Variants in CPNE2 observed in about 807,000 individuals in gnomAD.
The protein encoded by CPNE2 is copine-2.
Under a neutral mutation model 69.7 loss-of-function variants are expected in CPNE2, and 42 were observed. That is an observed-to-expected ratio of 0.60 (90% confidence interval 0.47 to 0.78). CPNE2 has a LOEUF of 0.78. Ranked by LOEUF, CPNE2 falls within the 30% of genes least tolerant of loss-of-function variation. CPNE2 has a pLI of 0.00. For missense variants in CPNE2, 587 were observed against 732.0 expected (o/e 0.80, Z 2.29); for synonymous variants, 294 against 289.8 (o/e 1.01, Z -0.15).
In CPNE2 at chr16:57,113,418, G is replaced by A. The variant is rs138741133; in HGVS notation, c.311G>A (p.Arg104Gln). 1.5e-5 allele frequency: 24 copies of A among 1,614,002 alleles called. No homozygotes were observed. Among genetic ancestry groups the A allele is most frequent in the Middle Eastern group, 1.6e-4 (1 of 6,084 alleles). Residue 104 changes from arginine (R) to glutamine (Q), a missense_variant, in exon 3 of 16, where the codon CGG becomes CAG. Arg to Gln is a conservative substitution (Grantham distance 43, BLOSUM62 1). Coordinates refer to ENST00000290776, the MANE Select transcript of CPNE2 (RefSeq NM_152727.6). ...ALFDQDKSSMRLDEHDFLGQF... is the reference protein window; with the variant it reads ...ALFDQDKSSMQLDEHDFLGQF... The stretch of plus-strand genomic sequence containing the variant: ...TTTGACCAGGACAAGTCCAGTATGC[G>A]GCTGGACGAGCATGACTTCCTGGGC...
chr16:57,133,751 GC>G (rs1261823178), intron 12 of CPNE2, among the ~76,000 whole-genome samples: 1 of 152,178 alleles, frequency 6.6e-6, no homozygotes, highest in Admixed American at 6.5e-5. Flanking sequence ...TCCCAGCTCT[GC>G]CCGCCAGGAA....
chr16:57,118,539 A>G lies in CPNE2; in HGVS notation c.508-656A>G, dbSNP rs113063439. Among the ~76,000 whole-genome samples, 14 of 152,076 alleles carry G rather than the reference A, an allele frequency of 9.2e-5. No individual in the cohort carries two copies. In the South Asian group the frequency reaches 1.2e-3, roughly 14 times the overall value. ...TAACCTCTTTAAAGTAACAGTTGCC[A>G]GGTGCAGCGGCTCACACCTGTAATC... On this transcript the variant is annotated intron_variant, in intron 5 of 15. Transcript: ENST00000290776.
At chr16:57,104,108 G>A (rs974244041) in intron 1 of CPNE2, among the ~76,000 whole-genome samples, 1 of 152,056 alleles carries the variant, frequency 6.6e-6, no homozygotes, top group Non-Finnish European at 1.5e-5. Context: ...GTAGAGATGG[G>A]GTTCCACCAT....
intron 10 of CPNE2, chr16:57,124,169 C>A (rs1015725745): frequency 3.4e-6 from 1 of 295,312 alleles, no homozygotes; most frequent in Non-Finnish European, 6.8e-6. Flanking sequence ...GCAGCCTCCA[C>A]CTTCAGCTCT....
Position 57,121,689 on chromosome 16 carries a change from A to T in CPNE2, c.796A>T (p.Ile266Phe), listed in dbSNP as rs745925170. 5.6e-6 allele frequency: 9 copies of T among 1,614,162 alleles called. No homozygotes were observed. Among genetic ancestry groups the T allele is most frequent in the Non-Finnish European group, 7.6e-6 (9 of 1,180,016 alleles). The change falls in exon 9 of 16, where the codon ATC becomes TTC. Residue 266 changes from isoleucine (I) to phenylalanine (F), a missense_variant. By Grantham distance (21) the Ile-to-Phe change is conservative (BLOSUM62 0). This residue lies in a region of CPNE2 where 269 missense variants were observed against 300.5 expected (regional missense o/e 0.90). Transcript: ENST00000290776. Reference protein sequence around the residue: ...RDSVPLEFECINPKKQRKKKN... With the variant: ...RDSVPLEFECFNPKKQRKKKN... The stretch of plus-strand genomic sequence containing the variant: ...CGTTGCCCAGCTGGAGTTCGAGTGC[A>T]TCAACCCCAAGAAGCAGAGGAAGAA...
chr16:57,133,366 C>G (rs1258753533), intron 12 of CPNE2, among the ~76,000 whole-genome samples: 5 of 152,148 alleles, frequency 3.3e-5, no homozygotes, highest in Non-Finnish European at 7.4e-5. Context: ...GCCAGGGAGG[C>G]CAGACTGAAC....
At chr16:57,097,747 A>G (rs1195871862) in intron 1 of CPNE2, among the ~76,000 whole-genome samples, 2 of 152,002 alleles carry the variant, frequency 1.3e-5, no homozygotes, top group African/African-American at 2.4e-5. Context: ...TTTCAGTCCT[A>G]GGCAAATCCA....
At chr16:57,133,552 T>A (rs910824981) in intron 12 of CPNE2, among the ~76,000 whole-genome samples, 27 of 152,224 alleles carry the variant, frequency 1.8e-4, no homozygotes, top group African/African-American at 6.5e-4. Flanking sequence ...CAGGAGAGCC[T>A]CCCAGTACCC....
intron 6 of CPNE2, 22 bp downstream of exon 6, chr16:57,119,300 G>A (rs1567668715): frequency 1.2e-6 from 2 of 1,611,704 alleles, no homozygotes; most frequent in Admixed American, 3.3e-5. Context: ...GGGGCCCAGG[G>A]ATCTCTAAGC....
At chr16:57,133,743 C>T (rs2069855845) in intron 12 of CPNE2, among the ~76,000 whole-genome samples, 1 of 152,166 alleles carries the variant, frequency 6.6e-6, no homozygotes, top group African/African-American at 2.4e-5. Context: ...AGTTCGAGTC[C>T]CAGCTCTGCC....
chr16:57,101,009 G>A (rs73548842), intron 1 of CPNE2, among the ~76,000 whole-genome samples: 10,523 of 152,294 alleles, frequency 0.069, 631 homozygotes, highest in African/African-American at 0.14. Flanking sequence ...TTTAGATGCA[G>A]TTAACATTAA....
chr16:57,118,492 TTC>T (rs1343961338), intron 5 of CPNE2, among the ~76,000 whole-genome samples: 4 of 152,072 alleles, frequency 2.6e-5, no homozygotes, highest in Non-Finnish European at 5.9e-5. Context: ...TTTACTTATT[TTC>T]TGTCTCCCTA....
rs1285307717 is a variant in CPNE2 at position 57,130,713 on chromosome 16, T to C, written c.1116+2810T>C. ...GGTAAGGCTGAGAAGAGACCATCCG[T>C]TTCACTGACCATGGCTGGGGCCATT... On this transcript the variant is annotated intron_variant, in intron 12 of 15. Transcript: ENST00000290776. The surrounding 1 kb of genome is among the most constrained non-coding windows in gnomAD (Gnocchi z 4.1). Among the ~76,000 whole-genome samples the C allele has an allele frequency of 2.0e-5, 3 of 151,870 alleles. No homozygotes were observed. Among genetic ancestry groups the C allele is most frequent in the African/African-American group, 7.3e-5 (3 of 41,324 alleles).
chr16:57,111,884 C>CT (rs2069683820), intron 2 of CPNE2, among the ~76,000 whole-genome samples: 1 of 152,114 alleles, frequency 6.6e-6, no homozygotes, highest in Non-Finnish European at 1.5e-5. Context: ...ACTTGCTTTG[C>CT]TTTTGCAAAA....
intron 1 of CPNE2, among the ~76,000 whole-genome samples, chr16:57,104,542 C>T (rs1483872756): frequency 6.6e-5 from 10 of 152,148 alleles, no homozygotes; most frequent in Non-Finnish European, 1.2e-4. Flanking sequence ...TCTGGGGCTG[C>T]TGATGATGGA....
At chr16:57,114,679 G>T (rs1305778143) in intron 3 of CPNE2, among the ~76,000 whole-genome samples, 1 of 152,170 alleles carries the variant, frequency 6.6e-6, no homozygotes, top group Admixed American at 6.5e-5. Context: ...AACCATGCTG[G>T]CCCCTGAGTG....
intron 15 of CPNE2, 174 bp from the exon 16 acceptor site, chr16:57,147,377 C>G: frequency 2.4e-6 from 1 of 425,062 alleles, no homozygotes. Flanking sequence ...AATTTCAGGC[C>G]TGGCCTGGGC....
At chr16:57,121,912 C>G in intron 9 of CPNE2, 152 bp downstream of exon 9, 2 of 669,758 alleles carry the variant, frequency 3.0e-6, no homozygotes, top group Non-Finnish European at 5.2e-6. Context: ...CTTCACCTCA[C>G]CAGGCCTCAG....
intron 1 of CPNE2, among the ~76,000 whole-genome samples, chr16:57,102,542 C>T (rs531655297): frequency 3.3e-5 from 5 of 152,282 alleles, no homozygotes; most frequent in African/African-American, 1.2e-4. Context: ...GCTGTGTCCA[C>T]CAGCCTGGAG....
Sources: allele counts gnomAD v4.1 joint callset (sites outside exome capture counted in the v4.1 genomes callset), GRCh38; gene constraint gnomAD v4.1.1; regional missense constraint gnomAD v4.1.1; non-coding constraint Gnocchi (gnomAD v3.1); transcripts MANE v1.5; gene names NCBI Gene and HGNC (gene_info 2026-07-23, HGNC 2026-07-21).